The following WEE2 variants were observed in gnomAD, a reference collection of about 807,000 sequenced individuals.
WEE2 encodes WEE2 oocyte meiosis inhibiting kinase.
Under a neutral mutation model 60.1 loss-of-function variants are expected in WEE2, and 50 were observed. The ratio of observed to expected loss-of-function variants is 0.83; its 90% CI spans 0.66 to 1.05. The LOEUF is 1.05. Among genes scored for constraint, WEE2 ranks in the 50% least tolerant of loss-of-function variants. The probability of loss-of-function intolerance (pLI) is 0.00; values close to 1 mark genes in which losing one functional copy is unlikely to be tolerated. For missense variants in WEE2, 631 were observed against 684.3 expected (o/e 0.92, Z 0.87); for synonymous variants, 240 against 241.0 (o/e 1.00, Z 0.04).
chr7:141,727,604 C>A, intron 10 of WEE2, 158 bp downstream of exon 10: 1 of 908,922 alleles, frequency 1.1e-6, no homozygotes, highest in East Asian at 2.6e-5. Flanking sequence ...GCATGCGGCT[C>A]TTTGTAGCAT....
Position 141,724,189 on chromosome 7 carries a change from G to A in WEE2, c.1136-1G>A, listed in dbSNP as rs1798971084. ...TCTTTTTTCCTTTTTCTTTTTTTTA[G>A]GTGACCTGGGCCACGCAACATCAAT... On this transcript the variant is annotated splice_acceptor_variant, in intron 7 of 11. Coordinates refer to ENST00000397541, the MANE Select transcript of WEE2 (RefSeq NM_001105558.1). LOFTEE classifies it high-confidence loss of function. 1 of 1,596,374 alleles carries A rather than the reference G, an allele frequency of 6.3e-7. No homozygotes were observed. Among genetic ancestry groups the A allele is most frequent in the South Asian group, 1.2e-5 (1 of 86,522 alleles).
intron 4 of WEE2, among the ~76,000 whole-genome samples, chr7:141,719,974 A>T (rs1798878251): frequency 6.6e-6 from 1 of 152,118 alleles, no homozygotes. Flanking sequence ...GACTACATGC[A>T]AGGGAAAATG....
Position 141,727,463 on chromosome 7 carries a change from T to TG in WEE2, c.1535+23dup, listed in dbSNP as rs751649174. On this transcript the variant is annotated intron_variant, in intron 10 of 11. Coordinates refer to ENST00000397541, the MANE Select transcript of WEE2 (RefSeq NM_001105558.1). The stretch of plus-strand genomic sequence containing the variant: ...ACTGGAAAGGTATATTTTTGGATGA[T>TG]GGGGGGTCAAGAAAGAATCTGAGCA... 11 of 1,613,262 alleles carry TG rather than the reference T, an allele frequency of 6.8e-6. No homozygotes were observed. The African/African-American group carries it at 8.0e-5, about 12-fold the overall frequency.
In WEE2 at chr7:141,719,075, T is replaced by C. The variant is rs555931537; in HGVS notation, c.589T>C (p.Cys197Arg). Residue 197 changes from cysteine to arginine, a missense_variant, in exon 4 of 12, where the codon TGT becomes CGT. Transcript: ENST00000397541. ...EGKGGLPAKR[C>R]VLRETNMASR... ...CCTTTTTATTAAAATACTTTAGAGA[T>C]GTGTTTTACGAGAAACCAACATGGC... 2 of 1,612,996 alleles carry C rather than the reference T, an allele frequency of 1.2e-6. No individual in the cohort carries two copies. Among genetic ancestry groups the C allele is most frequent in the East Asian group, 4.5e-5 (2 of 44,854 alleles).
intron 1 of WEE2, among the ~76,000 whole-genome samples, chr7:141,712,627 C>G (rs1798725665): frequency 6.6e-6 from 1 of 152,192 alleles, no homozygotes; most frequent in African/African-American, 2.4e-5. Flanking sequence ...GTGGTGCTCA[C>G]AAATTCTCTT....
chr7:141,726,261 T>A (rs564338492), intron 9 of WEE2, among the ~76,000 whole-genome samples: 41 of 152,242 alleles, frequency 2.7e-4, no homozygotes, highest in Admixed American at 7.8e-4. Context: ...CCTTGGAGAT[T>A]AGATTTTTTT....
rs1243036343 is a variant in WEE2, at chr7:141,711,585, A to T, written c.342+2485A>T. Among the ~76,000 whole-genome samples the T allele has an allele frequency of 6.6e-6, 1 of 152,184 alleles. No individual in the cohort carries two copies. The highest frequency in any genetic ancestry group is 2.4e-5 in the African/African-American group (1 of 41,454). On this transcript the variant is annotated intron_variant, in intron 1 of 11. Transcript: ENST00000397541. The surrounding 1 kb of genome is among the most constrained non-coding windows in gnomAD (Gnocchi z 4.2). The stretch of plus-strand genomic sequence containing the variant: ...TCCTGACAGAATCATCTAGAGATAG[A>T]AGAGCATGCTTAGGAGGTGTAAGCT...
At chr7:141,724,385 G>T in intron 8 of WEE2, 110 bp downstream of exon 8, 1 of 934,862 alleles carries the variant, frequency 1.1e-6, no homozygotes, top group Non-Finnish European at 1.6e-6. Flanking sequence ...TTATAGTACC[G>T]CTCTTCCCAT....
At chr7:141,719,305 A>G (rs1798862650) in intron 4 of WEE2, 61 bp downstream of exon 4, 1 of 1,422,568 alleles carries the variant, frequency 7.0e-7, no homozygotes, top group African/African-American at 1.4e-5. Context: ...GTTTCTTGTC[A>G]AATTATTTTA....
At chr7:141,717,632 C>T (rs1798829518) in intron 3 of WEE2, among the ~76,000 whole-genome samples, 1 of 152,094 alleles carries the variant, frequency 6.6e-6, no homozygotes, top group African/African-American at 2.4e-5. Flanking sequence ...TGTGTATGTA[C>T]ATATGTGCAA....
chr7:141,728,285 T>C (rs1440068653), intron 10 of WEE2: 3 of 152,248 alleles, frequency 2.0e-5, no homozygotes, highest in Non-Finnish European at 4.4e-5. Flanking sequence ...AAATTGTCCT[T>C]GCTTAAAATA....
At chr7:141,721,743 C>T (rs778392424) in intron 5 of WEE2, among the ~76,000 whole-genome samples, 3 of 152,084 alleles carry the variant, frequency 2.0e-5, no homozygotes, top group African/African-American at 7.2e-5. Context: ...GGATTACAGG[C>T]GTGAGCCACT....
chr7:141,708,715 T>C lies in WEE2; in HGVS notation c.-44T>C, dbSNP rs1328834497. On this transcript the variant is annotated 5_prime_UTR_variant, in exon 1 of 12. Coordinates refer to ENST00000397541, the MANE Select transcript of WEE2 (RefSeq NM_001105558.1). ...CTTCTGTAGGTTCACAGCGTTCCCT[T>C]CTGATAGAGCTTTTTGTCTGTGTTG... The C allele has an allele frequency of 6.5e-7, 1 of 1,546,840 alleles. No homozygotes were observed. Among genetic ancestry groups the C allele is most frequent in the Admixed American group, 1.8e-5 (1 of 55,680 alleles).
chr7:141,724,894 G>A (rs1353437021), intron 8 of WEE2, 132 bp from the exon 9 acceptor site: 10 of 1,007,704 alleles, frequency 9.9e-6, no homozygotes, highest in African/African-American at 4.8e-5. Context: ...TAACTACAGC[G>A]AATGTATCTT....
intron 10 of WEE2, among the ~76,000 whole-genome samples, chr7:141,729,043 C>T (rs753426930): frequency 6.6e-5 from 10 of 152,164 alleles, no homozygotes; most frequent in African/African-American, 1.2e-4. Flanking sequence ...TGTTCTGTGA[C>T]GGGCTAGAGA....
intron 10 of WEE2, among the ~76,000 whole-genome samples, chr7:141,728,755 G>T (rs931169229): frequency 1.3e-5 from 2 of 152,178 alleles, no homozygotes; most frequent in Admixed American, 6.5e-5. Context: ...GGTGAGCAGT[G>T]GGTGAGTGAG....
chr7:141,720,883 G>A, intron 4 of WEE2, 52 bp from the exon 5 acceptor site: 1 of 1,582,258 alleles, frequency 6.3e-7, no homozygotes, highest in Non-Finnish European at 8.6e-7. Context: ...ACATTTTTGT[G>A]TGCATTATCT....
At chr7:141,729,134 T>C (rs1799077815) in intron 10 of WEE2, among the ~76,000 whole-genome samples, 1 of 152,204 alleles carries the variant, frequency 6.6e-6, no homozygotes, top group Non-Finnish European at 1.5e-5. Context: ...TCAATGGCTG[T>C]TTTTACACTA....
intron 8 of WEE2, 126 bp from the exon 9 acceptor site, chr7:141,724,900 A>G: frequency 9.4e-7 from 1 of 1,065,288 alleles, no homozygotes; most frequent in Non-Finnish European, 1.4e-6. Flanking sequence ...CAGCGAATGT[A>G]TCTTTGACCG....
Sources: allele counts gnomAD v4.1 joint callset (sites outside exome capture counted in the v4.1 genomes callset), GRCh38; gene constraint gnomAD v4.1.1; non-coding constraint Gnocchi (gnomAD v3.1); transcripts MANE v1.5; gene names NCBI Gene and HGNC (gene_info 2026-07-23, HGNC 2026-07-21).